Variants in TBC1D9B observed in about 807,000 individuals in gnomAD.
TBC1D9B encodes the protein TBC1 domain family, member 9B (with GRAM domain).
TBC1D9B carries 87 observed loss-of-function variants against 121.1 expected under a neutral mutation model. The ratio of observed to expected loss-of-function variants is 0.72; its 90% confidence interval spans 0.60 to 0.86. The LOEUF (loss-of-function observed/expected upper bound fraction) is 0.86. Among genes scored for constraint, TBC1D9B ranks in the 40% least tolerant of loss-of-function variants. The pLI is 0.00. For missense variants in TBC1D9B, 1,540 were observed against 1,628.6 expected (o/e 0.95, Z 0.94); for synonymous variants, 668 against 670.1 (o/e 1.00, Z 0.05).
chr5:179,876,943 T>C (rs964104789), intron 10 of TBC1D9B, among the ~76,000 whole-genome samples: 3 of 151,146 alleles, frequency 2.0e-5, no homozygotes, highest in Non-Finnish European at 4.4e-5. Flanking sequence ...TGGTGGTGTG[T>C]ACCTGTAGTT....
chr5:179,897,772 A>C (rs1761060108), intron 3 of TBC1D9B, among the ~76,000 whole-genome samples: 2 of 152,248 alleles, frequency 1.3e-5, no homozygotes, highest in South Asian at 4.1e-4. Context: ...ATTGCTCACC[A>C]GAGTAAAGGC....
At chr5:179,893,988 G>A (rs966511879) in intron 4 of TBC1D9B, among the ~76,000 whole-genome samples, 4 of 152,164 alleles carry the variant, frequency 2.6e-5, no homozygotes, top group Non-Finnish European at 5.9e-5. Context: ...GAGCTGCTGG[G>A]AAATCAGGCT....
rs1350313007 is a variant in TBC1D9B, at chr5:179,902,835, C to A, written c.229+1867G>T. Among the ~76,000 whole-genome samples, 3 of 152,182 alleles carry A rather than the reference C, an allele frequency of 2.0e-5. No individual in the cohort carries two copies. The highest frequency in any genetic ancestry group is 7.2e-5 in the African/African-American group (3 of 41,454). The stretch of plus-strand genomic sequence containing the variant: ...TTGCTGCCCCCAGGGTCCACTCAGG[C>A]TCTGAAGCCAGAGATCGGGGGTCTA... On this transcript the variant is annotated intron_variant, in intron 2 of 20. Transcript: ENST00000355235. This position sits in a 1 kb window ranked among gnomAD's most constrained non-coding sequence, Gnocchi z 4.9.
In TBC1D9B at chr5:179,875,899, G is replaced by A; in HGVS notation, c.1900+21C>T. On this transcript the variant is annotated intron_variant, in intron 11 of 20. Transcript: ENST00000355235. The surrounding 1 kb of genome is among the most constrained non-coding windows in gnomAD (Gnocchi z 4.5). ...GCAGGCACCTGGAGACCCAGGCGAG[G>A]CAGCACCCGGGGACACTCACCCACC... 6.3e-7 allele frequency: 1 copy of A among 1,575,256 alleles called. No individual in the cohort carries two copies. The highest frequency in any genetic ancestry group is 8.6e-7 in the Non-Finnish European group (1 of 1,159,312).
Position 179,888,262 on chromosome 5 carries a change from C to T in TBC1D9B, c.1095G>A (p.Leu365=), listed in dbSNP as rs1760750210. 4 of 1,611,432 alleles carry T rather than the reference C, an allele frequency of 2.5e-6. No homozygotes were observed. The highest frequency in any genetic ancestry group is 3.4e-6 in the Non-Finnish European group (4 of 1,179,272). ...TCATTTTGCTTTTGGTGCTGATGGA[C>T]AGGGGGCTGGGCAGCACGCTGGAGC... The part of the protein sequence containing the change: ...ADSSSVLPSP[L]SISTKSKMTF... The change falls in exon 7 of 21, where the codon CTG becomes CTA. Residue 365 remains leucine, a synonymous_variant. Transcript: ENST00000355235.
chr5:179,863,970 C>T lies in TBC1D9B; in HGVS notation c.3180G>A (p.Arg1060=), dbSNP rs140668514. The T allele has an allele frequency of 3.0e-3, 4,840 of 1,613,834 alleles. 15 individuals carry two copies. The highest frequency in any genetic ancestry group is 4.8e-3 in the Admixed American group (287 of 60,022). Residue 1060 remains arginine, a synonymous_variant, in exon 21 of 21, where the codon AGG becomes AGA. Transcript: ENST00000355235. The surrounding 1 kb of genome is among the most constrained non-coding windows in gnomAD (Gnocchi z 4.5). ...GCTCGTCCTCCTCAGTGGCACAGTC[C>T]CTGGGCTTCCTGCCTGTGCGGGCTG... ...KFSARTGRKP[R]DCATEEDEPP...
chr5:179,889,383 G>A (rs1463900103), intron 6 of TBC1D9B, among the ~76,000 whole-genome samples: 1 of 152,098 alleles, frequency 6.6e-6, no homozygotes, highest in Non-Finnish European at 1.5e-5. Flanking sequence ...GTGCCTGGGC[G>A]CAGGTCTGAG....
intron 17 of TBC1D9B, chr5:179,868,910 G>A (rs540836438): frequency 1.3e-5 from 2 of 152,876 alleles, no homozygotes; most frequent in South Asian, 4.1e-4. Flanking sequence ...GGCCCAGTGG[G>A]GTCTGTCCTA....
rs36027894 is a variant in TBC1D9B, at chr5:179,885,594, CAA to C, written c.1254+2507_1254+2508del. Among the ~76,000 whole-genome samples, 5 of 140,962 alleles carry C rather than the reference CAA, an allele frequency of 3.5e-5. No homozygotes were observed. Among genetic ancestry groups the C allele is most frequent in the Admixed American group, 2.0e-4 (3 of 14,672 alleles). The allele number at this position is 140,962 out of a possible 152,430, so 92.5% of individuals were successfully genotyped here. A position where few individuals can be genotyped will look rare whatever the true frequency, so the allele number is the denominator to read the frequency against. ...ACAGAGCAAGACTCTGTCCCCCCCC[CAA>C]AAAAAAAAAGATGGAGGTATTTTAC... On this transcript the variant is annotated intron_variant, in intron 7 of 20. Coordinates refer to ENST00000355235, the MANE Select transcript of TBC1D9B (RefSeq NM_015043.4). This position sits in a 1 kb window ranked among gnomAD's most constrained non-coding sequence, Gnocchi z 4.5.
chr5:179,893,440 A>G lies in TBC1D9B; in HGVS notation c.605T>C (p.Ile202Thr), dbSNP rs763218146. 2 of 1,611,138 alleles carry G rather than the reference A, an allele frequency of 1.2e-6. No individual in the cohort carries two copies. Among genetic ancestry groups the G allele is most frequent in the Admixed American group, 1.7e-5 (1 of 59,888 alleles). The change falls in exon 5 of 21, where the codon ATA becomes ACA. Residue 202 changes from isoleucine to threonine, a missense_variant. By Grantham distance (89) the Ile-to-Thr change is moderately conservative. Coordinates refer to ENST00000355235, the MANE Select transcript of TBC1D9B (RefSeq NM_015043.4). ...EVSLVVQWVD[I>T]TRLEKNATLL... ...GGTGGCGTTCTTCTCCAGACGCGTT[A>G]TGTCCACCCACTGCACCACGAGGCT...
At chr5:179,866,010 G>A (rs1484980510) in intron 18 of TBC1D9B, 122 bp from the exon 19 acceptor site, 3 of 1,244,630 alleles carry the variant, frequency 2.4e-6, no homozygotes, top group African/African-American at 1.5e-5. Context: ...AGGCCCTGGG[G>A]AGCAGGTCTC....
chr5:179,867,597 G>T lies in TBC1D9B; in HGVS notation c.2863+181C>A, dbSNP rs1266218115. ...GAAACAGGAGTGAGGACATCCACAG[G>T]GGGCGGCCCCAGCCCCCGCCAGCAT... On this transcript the variant is annotated intron_variant, in intron 18 of 20. Coordinates refer to ENST00000355235, the MANE Select transcript of TBC1D9B (RefSeq NM_015043.4). The T allele has an allele frequency of 2.0e-6, 3 of 1,504,424 alleles. No individual in the cohort carries two copies. In the African/African-American group the frequency reaches 4.2e-5, roughly 21 times the overall value. 93.2% of individuals were successfully genotyped at this position (1,504,424 alleles called of 1,614,324 possible).
At chr5:179,893,551 C>A in intron 4 of TBC1D9B, 84 bp from the exon 5 acceptor site, 2 of 1,505,464 alleles carry the variant, frequency 1.3e-6, no homozygotes, top group Non-Finnish European at 1.8e-6. Flanking sequence ...CAGACCCATC[C>A]CAGGGAACTG....
chr5:179,906,502 C>T (rs1196594654), intron 1 of TBC1D9B, among the ~76,000 whole-genome samples: 1 of 151,104 alleles, frequency 6.6e-6, no homozygotes, highest in Non-Finnish European at 1.5e-5. Context: ...CACACTGGCG[C>T]GCTGATGACA....
At chr5:179,901,804 T>C (rs1761173796) in intron 2 of TBC1D9B, among the ~76,000 whole-genome samples, 1 of 152,216 alleles carries the variant, frequency 6.6e-6, no homozygotes, top group African/African-American at 2.4e-5. Context: ...GCATTAAAAA[T>C]ATTAGTTAAA....
rs1391308673 is a variant in TBC1D9B at position 179,863,452 on chromosome 5, C to T, written c.3698G>A (p.Gly1233Asp). Residue 1233 changes from glycine to aspartate, a missense_variant, in exon 21 of 21, where the codon GGC becomes GAC. Coordinates refer to ENST00000355235, the MANE Select transcript of TBC1D9B (RefSeq NM_015043.4). This position sits in a 1 kb window ranked among gnomAD's most constrained non-coding sequence, Gnocchi z 4.5. ...ASDHEQPGVSG is the reference protein window; with the variant it reads ...ASDHEQPGVSD The stretch of plus-strand genomic sequence containing the variant: ...CAGGCCTCACAGCTGCAGGCATCAG[C>T]CGGAAACTCCAGGCTGCTCATGGTC... 1 of 1,612,462 alleles carries T rather than the reference C, an allele frequency of 6.2e-7. No homozygotes were observed. Among genetic ancestry groups the T allele is most frequent in the Admixed American group, 1.7e-5 (1 of 59,970 alleles).
chr5:179,880,542 C>T (rs1308957138), intron 7 of TBC1D9B, among the ~76,000 whole-genome samples: 3 of 152,186 alleles, frequency 2.0e-5, no homozygotes, highest in African/African-American at 7.2e-5. Context: ...AGGGCTGGGG[C>T]AGCTGCCAGG....
At chr5:179,893,669 C>A (rs996843772) in intron 4 of TBC1D9B, among the ~76,000 whole-genome samples, 24 of 152,156 alleles carry the variant, frequency 1.6e-4, no homozygotes, top group African/African-American at 5.8e-4. Context: ...CCAGACCAAC[C>A]ACACACGGTG....
chr5:179,878,824 C>G (rs1342692586), intron 9 of TBC1D9B, among the ~76,000 whole-genome samples: 2 of 152,190 alleles, frequency 1.3e-5, no homozygotes, highest in Non-Finnish European at 2.9e-5. Context: ...CACCACCCGG[C>G]CAGCAGAGTG....
Sources: allele counts gnomAD v4.1 joint callset (sites outside exome capture counted in the v4.1 genomes callset), GRCh38; gene constraint gnomAD v4.1.1; non-coding constraint Gnocchi (gnomAD v3.1); transcripts MANE v1.5; gene names NCBI Gene and HGNC (gene_info 2026-07-23, HGNC 2026-07-21).